The following USP48 variants were observed in gnomAD, a reference collection of about 807,000 sequenced individuals.
USP48 encodes ubiquitin carboxyl-terminal hydrolase 48.
Under a neutral mutation model 150.7 loss-of-function variants are expected in USP48, and 43 were observed. The ratio of observed to expected loss-of-function variants is 0.29; its 90% CI spans 0.22 to 0.37. The LOEUF is 0.37. Ranked by LOEUF, USP48 falls within the 10% of genes least tolerant of loss-of-function variation. USP48 has a pLI of 1.00. For synonymous variants in USP48, 396 were observed against 425.9 expected (o/e 0.93, Z 0.86); for missense variants, 813 against 1,249.6 (o/e 0.65, Z 5.27).
In USP48 at chr1:21,689,873, A is replaced by G. The variant is rs2097592274; in HGVS notation, c.3009+101T>C. The G allele has an allele frequency of 4.7e-6, 7 of 1,495,548 alleles. 1 individual carries two copies. The highest frequency in any genetic ancestry group is 4.2e-5 in the African/African-American group (3 of 71,764). The allele number at this position is 1,495,548 out of a possible 1,614,324, so 92.6% of individuals were successfully genotyped here. ...CAGTCATTTATCACTACCCTCTGCT[A>G]AAGACCCAAGGCATCCTTTAACCAC... On this transcript the variant is annotated intron_variant, in intron 24 of 26. Transcript: ENST00000308271.
chr1:21,712,139 A>C (rs183408182), intron 15 of USP48, among the ~76,000 whole-genome samples: 1 of 152,360 alleles, frequency 6.6e-6, no homozygotes, highest in East Asian at 1.9e-4. Context: ...CAGGCAGATC[A>C]ACTGAGGTCA....
intron 18 of USP48, 98 bp from the exon 19 acceptor site, chr1:21,705,935 G>A: frequency 8.9e-7 from 1 of 1,122,202 alleles, no homozygotes; most frequent in South Asian, 1.7e-5. Context: ...ATATATTTAA[G>A]AAAATATTAG....
At position 21,783,133 on chromosome 1, in the gene USP48, C is replaced by A. The variant is rs1450013042; in HGVS notation, c.-176G>T. The A allele has an allele frequency of 5.0e-6, 5 of 995,040 alleles. No individual in the cohort carries two copies. In the African/African-American group the frequency reaches 6.8e-5, roughly 14 times the overall value. 61.6% of individuals were successfully genotyped at this position (995,040 alleles called of 1,614,324 possible). A position where few individuals can be genotyped will look rare whatever the true frequency, so the allele number is the denominator to read the frequency against. On this transcript the variant is annotated 5_prime_UTR_variant, in exon 1 of 27. Transcript: ENST00000308271. ...TGCCGCCGCGCCCGCCCGCGCCCGA[C>A]CCGCACGACCGGCCGCAAAGCGCCG... is the stretch of plus-strand genomic sequence containing the variant.
At chr1:21,742,285 T>C (rs922208958) in intron 8 of USP48, among the ~76,000 whole-genome samples, 1 of 152,108 alleles carries the variant, frequency 6.6e-6, no homozygotes, top group African/African-American at 2.4e-5. Flanking sequence ...CATTCATGCC[T>C]GTAATCCCAG....
Position 21,687,203 on chromosome 1 carries a change from C to A in USP48, c.3046G>T (p.Asp1016Tyr). The change falls in exon 25 of 27, where the codon GAT becomes TAT. Residue 1016 changes from aspartate to tyrosine, a missense_variant. By Grantham distance (160) the Asp-to-Tyr change is radical. Transcript: ENST00000308271. ...EPIADYAAMDDVMQVCMPEEG... is the reference protein window; with the variant it reads ...EPIADYAAMDYVMQVCMPEEG... ...AATTCATCTTTACCTTGCATGACAT[C>A]ATCCATTGCAGCATAATCTGCAATT... 1 of 1,613,138 alleles carries A rather than the reference C, an allele frequency of 6.2e-7. No individual in the cohort carries two copies. The highest frequency in any genetic ancestry group is 8.5e-7 in the Non-Finnish European group (1 of 1,179,408).
At chr1:21,755,222 G>A (rs977549715) in intron 3 of USP48, among the ~76,000 whole-genome samples, 1 of 152,000 alleles carries the variant, frequency 6.6e-6, no homozygotes, top group Non-Finnish European at 1.5e-5. Flanking sequence ...TCAAAATAAA[G>A]ATAAAATATT....
rs1034240140 is a variant in USP48 at position 21,753,206 on chromosome 1, T to C, written c.413-87A>G. 1.1e-5 allele frequency: 14 copies of C among 1,301,890 alleles called. No homozygotes were observed. In the African/African-American group the frequency reaches 1.3e-4, roughly 13 times the overall value. 80.6% of individuals were successfully genotyped at this position (1,301,890 alleles called of 1,614,324 possible). A position where few individuals can be genotyped will look rare whatever the true frequency, so the allele number is the denominator to read the frequency against. On this transcript the variant is annotated intron_variant, in intron 3 of 26. Coordinates refer to ENST00000308271, the MANE Select transcript of USP48 (RefSeq NM_032236.8). ...GGTACTTCCTCTTCACATGAGAACATAAACATCTCTACATCCAAACTAGAT... is the reference window on the plus strand; with the variant it reads ...GGTACTTCCTCTTCACATGAGAACACAAACATCTCTACATCCAAACTAGAT...
intron 25 of USP48, chr1:21,686,927 T>A: frequency 4.2e-6 from 2 of 481,532 alleles, no homozygotes; most frequent in South Asian, 4.9e-5. Flanking sequence ...CACTGCAATC[T>A]GACTTAGTTT....
intron 1 of USP48, among the ~76,000 whole-genome samples, chr1:21,779,475 G>A (rs1482507904): frequency 3.3e-5 from 5 of 151,910 alleles, no homozygotes; most frequent in Non-Finnish European, 7.4e-5. Context: ...GAACCTAGGA[G>A]GCAGAGGTTG....
chr1:21,720,532 T>C (rs1300055255), intron 14 of USP48, among the ~76,000 whole-genome samples: 3 of 137,190 alleles, frequency 2.2e-5, no homozygotes, highest in East Asian at 4.0e-4. Flanking sequence ...TTTCTTTTTC[T>C]TTTTTTTTTT....
intron 15 of USP48, among the ~76,000 whole-genome samples, chr1:21,712,084 C>T (rs1429993456): frequency 6.6e-6 from 1 of 152,204 alleles, no homozygotes; most frequent in Non-Finnish European, 1.5e-5. Flanking sequence ...GTTGGATGGG[C>T]ATGATGGCTG....
intron 22 of USP48, among the ~76,000 whole-genome samples, chr1:21,701,234 T>A (rs1034743406): frequency 6.7e-6 from 1 of 149,666 alleles, no homozygotes; most frequent in East Asian, 2.0e-4. Flanking sequence ...GGTGTGGTGG[T>A]GGGCGCCTAT....
At chr1:21,720,558 C>T (rs1316856339) in intron 14 of USP48, among the ~76,000 whole-genome samples, 2 of 151,036 alleles carry the variant, frequency 1.3e-5, no homozygotes, top group Admixed American at 6.6e-5. Flanking sequence ...GACAGAGTCT[C>T]GCTCTGCCGC....
At position 21,753,510 on chromosome 1, in the gene USP48, G is replaced by A. The variant is rs757129463; in HGVS notation, c.413-391C>T. On this transcript the variant is annotated intron_variant, in intron 3 of 26. Coordinates refer to ENST00000308271, the MANE Select transcript of USP48 (RefSeq NM_032236.8). ...GAAGAGGCTGCAGTGAGGTGAGATC[G>A]CCAACAAAGTGAGACTCTCAAAAAC... Among the ~76,000 whole-genome samples the A allele has an allele frequency of 4.7e-5, 7 of 148,040 alleles. 1 individual carries two copies. The highest frequency in any genetic ancestry group is 7.5e-5 in the Non-Finnish European group (5 of 67,104).
chr1:21,721,232 C>A, intron 13 of USP48, 66 bp from the exon 14 acceptor site: 1 of 1,574,800 alleles, frequency 6.4e-7, no homozygotes, highest in Non-Finnish European at 8.6e-7. Flanking sequence ...CCCTTCTTTG[C>A]CTGTAAAAAC....
At chr1:21,701,433 C>A in intron 22 of USP48, 65 bp downstream of exon 22, 2 of 1,382,312 alleles carry the variant, frequency 1.4e-6, no homozygotes, top group South Asian at 1.2e-5. Context: ...TGGCCAGGGG[C>A]TTCGAGTGGC....
In USP48 at chr1:21,774,116, T is replaced by C. The variant is rs919395172; in HGVS notation, c.134+8708A>G. On this transcript the variant is annotated intron_variant, in intron 1 of 26. Coordinates refer to ENST00000308271, the MANE Select transcript of USP48 (RefSeq NM_032236.8). ...ATCACTTGAACCCAAAAGGTGGAGG[T>C]TGCAGTGAGAGCAGATAACGCCACT... Among the ~76,000 whole-genome samples, 5 of 151,282 alleles carry C rather than the reference T, an allele frequency of 3.3e-5. No individual in the cohort carries two copies. The South Asian group carries it at 1.0e-3, about 32-fold the overall frequency.
intron 1 of USP48, among the ~76,000 whole-genome samples, chr1:21,764,837 A>C (rs1443953662): frequency 1.3e-5 from 2 of 152,084 alleles, no homozygotes; most frequent in Non-Finnish European, 2.9e-5. Context: ...TAAACCTCTC[A>C]TCGTGGTTGG....
chr1:21,715,430 T>A lies in USP48; in HGVS notation c.1922A>T (p.Glu641Val). ...ATCTTCATTAAAATTTAATTCCTCCTCTTCTTTTCTTTCTTCCTTTGATTC... is the reference window on the plus strand; with the variant it reads ...ATCTTCATTAAAATTTAATTCCTCCACTTCTTTTCTTTCTTCCTTTGATTC... ...KDESKEERKE[E>V]EELNFNEDIL... Residue 641 changes from glutamate to valine, a missense_variant, in exon 15 of 27, where the codon GAG (glutamate) becomes GTG (valine). By Grantham distance (121) the Glu-to-Val change is moderately radical (BLOSUM62 -2). Coordinates refer to ENST00000308271, the MANE Select transcript of USP48 (RefSeq NM_032236.8). 6.3e-7 allele frequency: 1 copy of A among 1,586,898 alleles called. No homozygotes were observed. Among genetic ancestry groups the A allele is most frequent in the Non-Finnish European group, 8.6e-7 (1 of 1,156,650 alleles).
Sources: allele counts gnomAD v4.1 joint callset (sites outside exome capture counted in the v4.1 genomes callset), GRCh38; gene constraint gnomAD v4.1.1; transcripts MANE v1.5; gene names NCBI Gene and HGNC (gene_info 2026-07-23, HGNC 2026-07-21).